Variants in ZBBX observed in about 807,000 individuals in gnomAD.
ZBBX encodes zinc finger B-box domain-containing protein 1.
In ZBBX, 101 loss-of-function variants were observed where a neutral mutation model predicts 108.5. The observed-to-expected ratio is 0.93, with a 90% CI of 0.79 to 1.10. ZBBX has a LOEUF of 1.10. Among genes scored for constraint, ZBBX ranks in the 50% least tolerant of loss-of-function variants. The pLI is 0.00. For missense variants in ZBBX, 1,009 were observed against 941.4 expected, an observed-to-expected ratio of 1.07 and a Z score of -0.94; for synonymous variants, 356 against 323.4, an observed-to-expected ratio of 1.10 and a Z score of -1.08.
chr3:167,261,168 C>T (rs1417842880), intron 20 of ZBBX, among the ~76,000 whole-genome samples: 1 of 152,178 alleles, frequency 6.6e-6, no homozygotes, highest in African/African-American at 2.4e-5. Flanking sequence ...TGCCCAGCAT[C>T]CTATGATGTG....
intron 6 of ZBBX, among the ~76,000 whole-genome samples, chr3:167,365,020 T>A (rs533391643): frequency 6.6e-6 from 1 of 151,984 alleles, no homozygotes; most frequent in African/African-American, 2.4e-5. Context: ...CCTCCTTTCA[T>A]CTGACCTCTA....
rs755517464 is a variant in ZBBX at position 167,298,358 on chromosome 3, A to C, written c.1826T>G (p.Leu609Arg). 1.9e-6 allele frequency: 3 copies of C among 1,601,630 alleles called. No homozygotes were observed. In the Admixed American group the frequency reaches 5.1e-5, roughly 27 times the overall value. Residue 609 changes from leucine (L) to arginine (R), a missense_variant, in exon 18 of 22, where the codon CTT becomes CGT. Physicochemically the swap from Leu to Arg is moderately radical, Grantham distance 102. Transcript: ENST00000675490. ...IFDTNERLNL[L>R]PSHRLECNNS... ...GTTGCATTCTAAACGATGAGAAGGA[A>C]GTAAGTTGAGTCTTTCATTTGTATC...
At chr3:167,283,079 G>A (rs1003558084) in intron 19 of ZBBX, among the ~76,000 whole-genome samples, 1 of 152,172 alleles carries the variant, frequency 6.6e-6, no homozygotes, top group Non-Finnish European at 1.5e-5. Flanking sequence ...TCCTACGGAT[G>A]AGCTCACTCT....
chr3:167,204,904 C>CA, the ZBBX span, among the ~76,000 whole-genome samples: 88 of 124,344 alleles, frequency 7.1e-4, no homozygotes, highest in East Asian at 1.8e-3. Flanking sequence ...GAACTCAGAC[C>CA]AAAAAAAAAA....
At chr3:167,265,972 G>A (rs1207031327) in intron 20 of ZBBX, among the ~76,000 whole-genome samples, 1 of 152,220 alleles carries the variant, frequency 6.6e-6, no homozygotes, top group Non-Finnish European at 1.5e-5. Context: ...GGAGGTGGGG[G>A]AAGGGTGGCA....
chr3:167,196,448 G>C, the ZBBX span, among the ~76,000 whole-genome samples: 1 of 152,080 alleles, frequency 6.6e-6, no homozygotes, highest in Non-Finnish European at 1.5e-5. Flanking sequence ...TTAGACATGA[G>C]TCCATCCCGG....
chr3:167,313,246 G>C (rs1734889541), intron 16 of ZBBX, among the ~76,000 whole-genome samples: 1 of 152,038 alleles, frequency 6.6e-6, no homozygotes. Flanking sequence ...ACTAGTAATA[G>C]CAACATAGAT....
At chr3:167,373,131 C>A in intron 3 of ZBBX, 181 bp from the exon 4 acceptor site, 3 of 411,852 alleles carry the variant, frequency 7.3e-6, no homozygotes, top group Middle Eastern at 6.5e-4. Flanking sequence ...CACATATCAA[C>A]CAGATAATCA....
chr3:167,356,014 T>A (rs1295218772), intron 8 of ZBBX, among the ~76,000 whole-genome samples: 1 of 152,014 alleles, frequency 6.6e-6, no homozygotes, highest in Non-Finnish European at 1.5e-5. Context: ...ATCCTTTATT[T>A]TCGGGTCAAG....
chr3:167,231,273 T>A, the ZBBX span, among the ~76,000 whole-genome samples: 1 of 151,712 alleles, frequency 6.6e-6, no homozygotes, highest in Admixed American at 6.6e-5. Flanking sequence ...TCCCTAAGCA[T>A]AGCAATAGTC....
chr3:167,291,303 G>T (rs1730651534), intron 18 of ZBBX, among the ~76,000 whole-genome samples: 1 of 152,028 alleles, frequency 6.6e-6, no homozygotes, highest in Admixed American at 6.5e-5. Flanking sequence ...AGGGCAGCCA[G>T]AGAGAAAGGT....
the ZBBX span, among the ~76,000 whole-genome samples, chr3:167,207,594 C>T: frequency 1.3e-5 from 2 of 152,128 alleles, no homozygotes; most frequent in African/African-American, 4.8e-5. Flanking sequence ...GAAATTATGT[C>T]ATTTACAGCA....
At chr3:167,348,344 G>GAA (rs1174076303) in intron 9 of ZBBX, among the ~76,000 whole-genome samples, 1 of 102,866 alleles carries the variant, frequency 9.7e-6, no homozygotes, top group South Asian at 3.3e-4. Context: ...AAGAAAGAAA[G>GAA]AAAGAAAGAA....
At chr3:167,309,690 A>G (rs377500878) in intron 16 of ZBBX, among the ~76,000 whole-genome samples, 2 of 152,312 alleles carry the variant, frequency 1.3e-5, no homozygotes, top group East Asian at 3.9e-4. Context: ...TGAGGCCCTG[A>G]GCCTGGCCCA....
chr3:167,322,221 G>C lies in ZBBX; in HGVS notation c.879C>G (p.Cys293Trp). 6.8e-7 allele frequency: 1 copy of C among 1,463,954 alleles called. No homozygotes were observed. The highest frequency in any genetic ancestry group is 1.6e-5 in the South Asian group (1 of 62,914). The allele number at this position is 1,463,954 out of a possible 1,614,324, so 90.7% of individuals were successfully genotyped here. Residue 293 changes from cysteine to tryptophan, a missense_variant, in exon 12 of 22, where the codon TGC becomes TGG. Cys to Trp is a radical substitution (Grantham distance 215). Transcript: ENST00000675490. The part of the protein sequence containing the change: ...HAAVKDSLEE[C>W]EVQTNLKIWR... ...AAATTTTCAGATTAGTCTGTACTTC[G>C]CATTCTTCCAATGAGTCTGTAAAAA... is the stretch of plus-strand genomic sequence containing the variant.
intron 8 of ZBBX, among the ~76,000 whole-genome samples, chr3:167,351,998 A>T (rs1403100606): frequency 3.3e-5 from 5 of 152,118 alleles, no homozygotes; most frequent in Non-Finnish European, 7.4e-5. Context: ...ACCTGGGATC[A>T]GTCCACCCCT....
chr3:167,232,800 T>C, the ZBBX span, among the ~76,000 whole-genome samples: 7 of 151,702 alleles, frequency 4.6e-5, no homozygotes, highest in Non-Finnish European at 8.8e-5. Flanking sequence ...AATGGCTCTT[T>C]GAGGAGAAAG....
At chr3:167,208,683 G>A in the ZBBX span, among the ~76,000 whole-genome samples, 1 of 152,186 alleles carries the variant, frequency 6.6e-6, no homozygotes, top group Non-Finnish European at 1.5e-5. Context: ...CTTCCCATAG[G>A]CTTAGATGAG....
the ZBBX span, among the ~76,000 whole-genome samples, chr3:167,178,957 A>G: frequency 3.9e-5 from 6 of 152,190 alleles, no homozygotes; most frequent in Admixed American, 3.9e-4. Flanking sequence ...CTTGAGAATT[A>G]TATGGGATAT....
Sources: gnomAD v4.1 joint callset for allele counts (sites outside exome capture counted in the v4.1 genomes callset) on GRCh38, gnomAD v4.1.1 for gene constraint, MANE v1.5 for transcripts, NCBI Gene and HGNC (gene_info 2026-07-23, HGNC 2026-07-21) for gene names.